The following JAZF1 variants were observed in gnomAD, a reference collection of about 807,000 sequenced individuals.
JAZF1 encodes the protein JAZF zinc finger 1, also known as juxtaposed with another zinc finger protein 1.
JAZF1 carries 8 observed loss-of-function variants against 26.4 expected under a neutral mutation model. That is an observed-to-expected ratio of 0.30 (90% confidence interval 0.18 to 0.55). The LOEUF is 0.55. Ranked by LOEUF, JAZF1 falls within the 20% of genes least tolerant of loss-of-function variation. The probability of loss-of-function intolerance (pLI) is 0.94; values close to 1 mark genes in which losing one functional copy is unlikely to be tolerated. For synonymous variants in JAZF1, 126 were observed against 122.3 expected, an observed-to-expected ratio of 1.03 and a Z score of -0.20; for missense variants, 199 against 322.0, an observed-to-expected ratio of 0.62 and a Z score of 2.92.
intron 2 of JAZF1, among the ~76,000 whole-genome samples, chr7:27,939,660 G>T (rs1784813526): frequency 6.6e-6 from 1 of 151,950 alleles, no homozygotes; most frequent in Non-Finnish European, 1.5e-5. Flanking sequence ...CTCCTAGAGG[G>T]GGAAGACCCT....
chr7:28,017,775 T>C (rs1782922079), intron 1 of JAZF1, among the ~76,000 whole-genome samples: 1 of 145,056 alleles, frequency 6.9e-6, no homozygotes, highest in African/African-American at 2.5e-5. Flanking sequence ...TTGTTGTTGT[T>C]GTTTGTTTGT....
At chr7:28,110,497 GGAAAGGAAAAGGAAAGGA>G in intron 1 of JAZF1, among the ~76,000 whole-genome samples, 4 of 28,628 alleles carry the variant, frequency 1.4e-4, no homozygotes, top group East Asian at 4.4e-3. Flanking sequence ...GGAAAGGAAA[GGAAAGGAAAAGGAAAGGA>G]AAAGGAAAAG....
chr7:28,152,002 T>C (rs984671425), intron 1 of JAZF1, among the ~76,000 whole-genome samples: 1 of 152,236 alleles, frequency 6.6e-6, no homozygotes, highest in African/African-American at 2.4e-5. Flanking sequence ...TAGCATTTTA[T>C]TTTTAGATTT....
chr7:27,995,008 G>C (rs1785985901), intron 1 of JAZF1, among the ~76,000 whole-genome samples: 1 of 152,124 alleles, frequency 6.6e-6, no homozygotes, highest in Non-Finnish European at 1.5e-5. Context: ...CTCCTCATGA[G>C]GATTATATGA....
chr7:27,908,148 T>C (rs1273014617), intron 2 of JAZF1, among the ~76,000 whole-genome samples: 3 of 152,196 alleles, frequency 2.0e-5, no homozygotes, highest in Non-Finnish European at 4.4e-5. Context: ...AGAATATTAG[T>C]GACATATTCA....
At chr7:27,864,400 C>T (rs1226270159) in intron 3 of JAZF1, among the ~76,000 whole-genome samples, 1 of 152,172 alleles carries the variant, frequency 6.6e-6, no homozygotes, top group Admixed American at 6.5e-5. Flanking sequence ...TTCTCATTAA[C>T]CCTAGAGTGC....
At chr7:28,026,615 C>G (rs1419709662) in intron 1 of JAZF1, among the ~76,000 whole-genome samples, 1 of 152,170 alleles carries the variant, frequency 6.6e-6, no homozygotes, top group African/African-American at 2.4e-5. Context: ...GTAGGGGAAT[C>G]TAACCAATGG....
intron 1 of JAZF1, among the ~76,000 whole-genome samples, chr7:28,169,369 T>A (rs1583596448): frequency 1.3e-5 from 2 of 152,224 alleles, no homozygotes; most frequent in East Asian, 3.9e-4. Context: ...ATCAACCACT[T>A]TGAGTTGATG....
At chr7:28,139,997 A>G (rs1318543696) in intron 1 of JAZF1, among the ~76,000 whole-genome samples, 1 of 152,144 alleles carries the variant, frequency 6.6e-6, no homozygotes, top group African/African-American at 2.4e-5. Context: ...GAGGGAGACT[A>G]GAAAAGGTTG....
intron 1 of JAZF1, among the ~76,000 whole-genome samples, chr7:28,073,650 C>T (rs987037646): frequency 4.6e-5 from 7 of 152,258 alleles, no homozygotes; most frequent in African/African-American, 1.7e-4. Flanking sequence ...TCACAGGGAA[C>T]GTGCTTATTT....
chr7:28,177,765 G>A (rs563158691), intron 1 of JAZF1, among the ~76,000 whole-genome samples: 3 of 152,226 alleles, frequency 2.0e-5, no homozygotes, highest in South Asian at 4.1e-4. Flanking sequence ...AATCAAAAAC[G>A]ATAAATACCA....
intron 1 of JAZF1, among the ~76,000 whole-genome samples, chr7:28,025,419 C>A (rs1286336365): frequency 6.6e-6 from 1 of 152,144 alleles, no homozygotes; most frequent in East Asian, 1.9e-4. Flanking sequence ...TGTGCTTGTC[C>A]TCACAAAACA....
rs368812399 is a variant in JAZF1 at position 27,974,239 on chromosome 7, C to T, written c.188+17670G>A. ...CTGAAGGAAGCATGGGACTAGGGTCCTCTCCACATCGGTTAACAGCCAAGG... is the reference window on the plus strand; with the variant it reads ...CTGAAGGAAGCATGGGACTAGGGTCTTCTCCACATCGGTTAACAGCCAAGG... On this transcript the variant is annotated intron_variant, in intron 2 of 4. Coordinates refer to ENST00000283928, the MANE Select transcript of JAZF1 (RefSeq NM_175061.4). 7.2e-5 allele frequency among the ~76,000 whole-genome samples: 11 copies of T among 152,214 alleles called. No homozygotes were observed. In the East Asian group the frequency reaches 1.2e-3, roughly 16 times the overall value.
At chr7:28,019,354 G>C (rs10273628) in intron 1 of JAZF1, among the ~76,000 whole-genome samples, 99,688 of 152,070 alleles carry the variant, frequency 0.66, 36,497 homozygotes, top group Non-Finnish European at 0.84. Flanking sequence ...AAGGCACGTA[G>C]GGTGGCAACC....
intron 1 of JAZF1, among the ~76,000 whole-genome samples, chr7:28,086,654 T>G (rs1583552726): frequency 6.6e-6 from 1 of 152,226 alleles, no homozygotes; most frequent in African/African-American, 2.4e-5. Context: ...TTTACTCACT[T>G]TGTTAACATG....
intron 1 of JAZF1, among the ~76,000 whole-genome samples, chr7:28,016,595 C>T (rs1782897767): frequency 6.6e-6 from 1 of 152,160 alleles, no homozygotes; most frequent in Admixed American, 6.5e-5. Context: ...AGAAACAACA[C>T]TGAAAGCTTA....
intron 2 of JAZF1, among the ~76,000 whole-genome samples, chr7:27,961,345 C>T (rs989225588): frequency 2.0e-5 from 3 of 152,140 alleles, no homozygotes; most frequent in African/African-American, 4.8e-5. Flanking sequence ...CACGGACCCA[C>T]GACATGTAAT....
intron 3 of JAZF1, among the ~76,000 whole-genome samples, chr7:27,891,440 C>T (rs967842433): frequency 2.0e-5 from 3 of 151,958 alleles, no homozygotes; most frequent in African/African-American, 7.3e-5. Flanking sequence ...CTAAGCTTTT[C>T]TTAAATGAAT....
At chr7:28,094,886 C>T (rs1460720954) in intron 1 of JAZF1, among the ~76,000 whole-genome samples, 1 of 152,160 alleles carries the variant, frequency 6.6e-6, no homozygotes, top group Non-Finnish European at 1.5e-5. Context: ...AATCGTCCTA[C>T]CAAAGCTCCC....
Sources: gnomAD v4.1 joint callset for allele counts (sites outside exome capture counted in the v4.1 genomes callset) on GRCh38, gnomAD v4.1.1 for gene constraint, MANE v1.5 for transcripts, NCBI Gene and HGNC (gene_info 2026-07-23, HGNC 2026-07-21) for gene names.